Variants in DLGAP4 observed in about 807,000 individuals in gnomAD.
DLGAP4 encodes the protein DLG associated protein 4.
DLGAP4 carries 18 observed loss-of-function variants against 86.9 expected under a neutral mutation model. That is an observed-to-expected ratio of 0.21 (90% confidence interval 0.14 to 0.31). The LOEUF (loss-of-function observed/expected upper bound fraction) is 0.31. DLGAP4 is among the 10% of genes least tolerant of loss of function. DLGAP4 has a pLI of 1.00. For synonymous variants in DLGAP4, 548 were observed against 574.3 expected, an observed-to-expected ratio of 0.95 and a Z score of 0.65; for missense variants, 1,085 against 1,362.6, an observed-to-expected ratio of 0.80 and a Z score of 3.21.
intron 2 of DLGAP4, among the ~76,000 whole-genome samples, chr20:36,424,004 GA>G (rs1204270423): frequency 2.0e-5 from 3 of 152,102 alleles, no homozygotes; most frequent in African/African-American, 7.2e-5. Flanking sequence ...TACAGAAGAG[GA>G]AACCGAGGCT....
chr20:36,338,900 G>A (rs2065348898), intron 1 of DLGAP4, among the ~76,000 whole-genome samples: 1 of 152,184 alleles, frequency 6.6e-6, no homozygotes, highest in Non-Finnish European at 1.5e-5. Context: ...GCATGGCAAA[G>A]GCACCGAGGC....
intron 2 of DLGAP4, among the ~76,000 whole-genome samples, chr20:36,398,154 C>T (rs1452449520): frequency 6.6e-6 from 1 of 152,138 alleles, no homozygotes; most frequent in Non-Finnish European, 1.5e-5. Flanking sequence ...TGAAAAAACA[C>T]GTATTTGCTA....
intron 7 of DLGAP4, among the ~76,000 whole-genome samples, chr20:36,453,208 C>T (rs2147594754): frequency 6.6e-6 from 1 of 152,312 alleles, no homozygotes; most frequent in East Asian, 1.9e-4. Context: ...GAGCACGGTG[C>T]TATAATCCCA....
chr20:36,394,726 G>A (rs998288361), intron 2 of DLGAP4, among the ~76,000 whole-genome samples: 2 of 141,894 alleles, frequency 1.4e-5, no homozygotes, highest in African/African-American at 5.3e-5. Context: ...ACCCAGATTC[G>A]ACCTGCCTTG....
At chr20:36,412,811 T>G (rs1464528231) in intron 2 of DLGAP4, among the ~76,000 whole-genome samples, 1 of 152,156 alleles carries the variant, frequency 6.6e-6, no homozygotes, top group Non-Finnish European at 1.5e-5. Context: ...CTGTGTACAC[T>G]CATACTGGAG....
intron 10 of DLGAP4, chr20:36,512,640 C>T (rs1183794599): frequency 6.6e-6 from 1 of 152,282 alleles, no homozygotes; most frequent in East Asian, 1.9e-4. Context: ...AGTATAGTGT[C>T]CACTGCACAG....
intron 7 of DLGAP4, among the ~76,000 whole-genome samples, chr20:36,491,178 C>T (rs1040937425): frequency 2.0e-5 from 3 of 148,266 alleles, no homozygotes; most frequent in African/African-American, 7.5e-5. Flanking sequence ...GGCGACAGAA[C>T]AAGACTCTGT....
chr20:36,475,501 G>A (rs1452540328), intron 7 of DLGAP4, among the ~76,000 whole-genome samples: 1 of 152,166 alleles, frequency 6.6e-6, no homozygotes, highest in East Asian at 1.9e-4. Flanking sequence ...GAGCCACCAA[G>A]CCCGGCTCTC....
chr20:36,501,357 C>T (rs550789572), intron 10 of DLGAP4, among the ~76,000 whole-genome samples: 28 of 152,356 alleles, frequency 1.8e-4, no homozygotes, highest in Middle Eastern at 6.8e-3. Flanking sequence ...TGAGCCACCA[C>T]ACTCAGCCAA....
chr20:36,438,371 CA>C (rs201711407), intron 4 of DLGAP4, among the ~76,000 whole-genome samples: 5,169 of 78,022 alleles, frequency 0.066, 171 homozygotes, highest in Admixed American at 0.19. Flanking sequence ...GAGACTGTCT[CA>C]AAAAAAAATA....
At position 36,496,862 on chromosome 20, in the gene DLGAP4, G is replaced by C. The variant is rs143403394; in HGVS notation, c.1806G>C (p.Gln602His). 5 of 1,614,122 alleles carry C rather than the reference G, an allele frequency of 3.1e-6. No homozygotes were observed. The highest frequency in any genetic ancestry group is 4.2e-6 in the Non-Finnish European group (5 of 1,180,046). The change falls in exon 8 of 13, where the codon CAG becomes CAC. Residue 602 changes from glutamine (Q) to histidine (H), a missense_variant. By Grantham distance (24) the Gln-to-His change is conservative. Transcript: ENST00000339266. ...ACCACAAGAGCGAGGTGACTAGCCAGTCGGGCCTGAGCAACTCGTCGGACA... is the reference window on the plus strand; with the variant it reads ...ACCACAAGAGCGAGGTGACTAGCCACTCGGGCCTGAGCAACTCGTCGGACA... ...SQDHKSEVTS[Q>H]SGLSNSSDSL... is the part of the protein sequence containing the mutation.
At position 36,432,287 on chromosome 20, in the gene DLGAP4, T is replaced by G; in HGVS notation, c.570T>G (p.Ala190=). The stretch of plus-strand genomic sequence containing the variant: ...CCAAAAGCAAGGAGCGGGCCAAGGC[T>G]GGGGAGCCCAAACGGCGCAGCCGCT... ...RRAKSKERAK[A]GEPKRRSRSN... Residue 190 remains alanine, a synonymous_variant, in exon 3 of 13, where the codon GCT becomes GCG. Coordinates refer to ENST00000339266, the MANE Select transcript of DLGAP4 (RefSeq NM_001365621.2). This position sits in a 1 kb window ranked among gnomAD's most constrained non-coding sequence, Gnocchi z 6.5. The G allele has an allele frequency of 6.2e-7, 1 of 1,613,708 alleles. No homozygotes were observed. The highest frequency in any genetic ancestry group is 8.5e-7 in the Non-Finnish European group (1 of 1,179,860).
At chr20:36,309,372 C>T (rs1188655598) in intron 1 of DLGAP4, among the ~76,000 whole-genome samples, 7 of 152,204 alleles carry the variant, frequency 4.6e-5, no homozygotes, top group African/African-American at 9.7e-5. Context: ...CTTGGCTCAA[C>T]GTGTGCACTC....
At chr20:36,391,432 C>G (rs2031781118) in intron 2 of DLGAP4, among the ~76,000 whole-genome samples, 1 of 152,198 alleles carries the variant, frequency 6.6e-6, no homozygotes, top group African/African-American at 2.4e-5. Context: ...CAGCTCTATT[C>G]ATCCTTTAAA....
Position 36,483,290 on chromosome 20 carries a change from C to A in DLGAP4, c.1649-13415C>A, listed in dbSNP as rs145058069. On this transcript the variant is annotated intron_variant, in intron 7 of 12. Coordinates refer to ENST00000339266, the MANE Select transcript of DLGAP4 (RefSeq NM_001365621.2). ...AGAAACTACATGCTATTTGGACATA[C>A]TATTTGGAGGTCAGTGGTCAGGGGC... 1.3e-3 allele frequency among the ~76,000 whole-genome samples: 196 copies of A among 152,260 alleles called. 1 individual carries two copies. The East Asian group carries it at 0.024, about 18-fold the overall frequency.
At chr20:36,394,511 C>T (rs1445871862) in intron 2 of DLGAP4, among the ~76,000 whole-genome samples, 1 of 152,194 alleles carries the variant, frequency 6.6e-6, no homozygotes, top group African/African-American at 2.4e-5. Flanking sequence ...CATTAAGTGG[C>T]TTCTGCAGTG....
intron 2 of DLGAP4, among the ~76,000 whole-genome samples, chr20:36,402,974 C>T (rs946112678): frequency 2.0e-5 from 3 of 152,064 alleles, no homozygotes; most frequent in Non-Finnish European, 4.4e-5. Context: ...TTAAAGAGAG[C>T]ACAGAATGAG....
In DLGAP4 at chr20:36,525,141, C is replaced by T. The variant is rs1283715569; in HGVS notation, c.2605-710C>T. On this transcript the variant is annotated intron_variant, in intron 11 of 12. Coordinates refer to ENST00000339266, the MANE Select transcript of DLGAP4 (RefSeq NM_001365621.2). Reference sequence around the variant, plus strand: ...GCTGAGGCAGGAGAATGGTGTGAACCCGGGAGGTGGAACTTGCAGTGAGCC... The same window carrying T: ...GCTGAGGCAGGAGAATGGTGTGAACTCGGGAGGTGGAACTTGCAGTGAGCC... 2.2e-5 allele frequency among the ~76,000 whole-genome samples: 3 copies of T among 137,866 alleles called. No homozygotes were observed. In the Admixed American group the frequency reaches 2.5e-4, roughly 11 times the overall value. The allele number at this position is 137,866 out of a possible 152,430, so 90.4% of individuals were successfully genotyped here.
At position 36,360,441 on chromosome 20, in the gene DLGAP4, A is replaced by T. The variant is rs1282326166; in HGVS notation, c.-303-6604A>T. Among the ~76,000 whole-genome samples, 3 of 151,342 alleles carry T rather than the reference A, an allele frequency of 2.0e-5. No homozygotes were observed. In the East Asian group the frequency reaches 5.8e-4, roughly 29 times the overall value. ...CTCCAATGTCTGTGCCCTTGTTCAC[A>T]CTCCTGGTCCCCTCCAGCCTCTGCA... On this transcript the variant is annotated intron_variant, in intron 1 of 12. Transcript: ENST00000339266.
Sources: allele counts gnomAD v4.1 joint callset (sites outside exome capture counted in the v4.1 genomes callset), GRCh38; gene constraint gnomAD v4.1.1; non-coding constraint Gnocchi (gnomAD v3.1); transcripts MANE v1.5; gene names NCBI Gene and HGNC (gene_info 2026-07-23, HGNC 2026-07-21).